The following GRID2 variants were observed in gnomAD, a reference collection of about 807,000 sequenced individuals.
The protein encoded by GRID2 is glutamate ionotropic receptor delta type subunit 2.
GRID2 carries 33 observed loss-of-function variants against 114.8 expected under a neutral mutation model. The ratio of observed to expected loss-of-function variants is 0.29; its 90% CI spans 0.22 to 0.38. GRID2 has a LOEUF of 0.38. GRID2 is among the 10% of genes least tolerant of loss of function. The probability of loss-of-function intolerance (pLI) is 1.00; values close to 1 mark genes in which losing one functional copy is unlikely to be tolerated. For synonymous variants in GRID2, 505 were observed against 449.9 expected (o/e 1.12, Z -1.55); for missense variants, 1,184 against 1,257.7 (o/e 0.94, Z 0.89).
chr4:92,336,807 C>A (rs565106018), intron 1 of GRID2, among the ~76,000 whole-genome samples: 52 of 152,202 alleles, frequency 3.4e-4, no homozygotes, highest in African/African-American at 8.9e-4. Flanking sequence ...CATGCTGCTT[C>A]TTCTTCAGGA....
At chr4:93,098,581 A>T (rs1204943307) in intron 3 of GRID2, among the ~76,000 whole-genome samples, 3 of 151,962 alleles carry the variant, frequency 2.0e-5, no homozygotes, top group Non-Finnish European at 4.4e-5. Context: ...GAGAGTACTG[A>T]TGAGAGAAAC....
At chr4:93,246,100 G>A (rs1748172150) in intron 8 of GRID2, among the ~76,000 whole-genome samples, 2 of 152,108 alleles carry the variant, frequency 1.3e-5, no homozygotes, top group Non-Finnish European at 2.9e-5. Flanking sequence ...GTTAATCAAG[G>A]CTTGGAAACT....
intron 2 of GRID2, among the ~76,000 whole-genome samples, chr4:92,849,085 A>G (rs1032362750): frequency 2.6e-5 from 4 of 151,988 alleles, no homozygotes; most frequent in African/African-American, 4.8e-5. Flanking sequence ...ATAGAGGGCT[A>G]TAAGTATCCT....
intron 1 of GRID2, among the ~76,000 whole-genome samples, chr4:92,570,211 G>A (rs1238427311): frequency 6.6e-6 from 1 of 152,004 alleles, no homozygotes. Context: ...TTATTGAACA[G>A]GGTATCTTTT....
rs958635394 is a variant in GRID2, at chr4:93,373,974, A to G, written c.1246-21633A>G. On this transcript the variant is annotated intron_variant, in intron 8 of 15. Coordinates refer to ENST00000282020, the MANE Select transcript of GRID2 (RefSeq NM_001510.4). ...ACAGAAGGCTTATTAGGGTATATTGATACTAGTATGTGTTGTCTTAAGTGG... is the reference window on the plus strand; with the variant it reads ...ACAGAAGGCTTATTAGGGTATATTGGTACTAGTATGTGTTGTCTTAAGTGG... 3.4e-4 allele frequency among the ~76,000 whole-genome samples: 52 copies of G among 152,152 alleles called. 1 individual carries two copies. The highest frequency in any genetic ancestry group is 1.3e-3 in the African/African-American group (52 of 41,452).
chr4:93,457,360 C>T (rs1002226235), intron 11 of GRID2, among the ~76,000 whole-genome samples: 2 of 150,228 alleles, frequency 1.3e-5, no homozygotes, highest in African/African-American at 2.5e-5. Flanking sequence ...AATTTCAGAC[C>T]AAGAAGTGAG....
chr4:93,047,110 T>A (rs778203489), intron 2 of GRID2, among the ~76,000 whole-genome samples: 4 of 151,892 alleles, frequency 2.6e-5, no homozygotes, highest in Non-Finnish European at 5.9e-5. Flanking sequence ...AATACCAGAT[T>A]AATACCAAAA....
intron 14 of GRID2, among the ~76,000 whole-genome samples, chr4:93,681,029 C>T (rs929960469): frequency 6.6e-6 from 1 of 151,396 alleles, no homozygotes; most frequent in Admixed American, 6.6e-5. Flanking sequence ...ATCTAGAAAA[C>T]CCCATTGTCT....
intron 8 of GRID2, among the ~76,000 whole-genome samples, chr4:93,311,141 C>G (rs1394426440): frequency 6.6e-6 from 1 of 152,124 alleles, no homozygotes; most frequent in Non-Finnish European, 1.5e-5. Context: ...ACTTGAAAAG[C>G]CAGACACAAG....
At chr4:92,671,327 A>G (rs1203928619) in intron 2 of GRID2, among the ~76,000 whole-genome samples, 2 of 152,090 alleles carry the variant, frequency 1.3e-5, no homozygotes, top group South Asian at 2.1e-4. Flanking sequence ...CCCACCGCCA[A>G]CACTTGGGAT....
intron 1 of GRID2, 148 bp from the exon 2 acceptor site, chr4:92,589,983 C>T (rs1728630683): frequency 1.7e-6 from 1 of 587,558 alleles, no homozygotes. Context: ...ACACTGCTTC[C>T]AGTACAATGT....
chr4:93,764,347 A>G (rs1342971471), intron 14 of GRID2, among the ~76,000 whole-genome samples: 1 of 152,166 alleles, frequency 6.6e-6, no homozygotes, highest in Non-Finnish European at 1.5e-5. Flanking sequence ...AATATTTTGG[A>G]TGAAAAAAAG....
Position 92,996,077 on chromosome 4 carries a change from G to T in GRID2, c.245-88918G>T, listed in dbSNP as rs558647641. ...GGCTGAAGTGGGTGGATCACCTGAG[G>T]TCAGGAGTTTGAAATCAGCCTGGCC... is the stretch of plus-strand genomic sequence containing the variant. On this transcript the variant is annotated intron_variant, in intron 2 of 15. Transcript: ENST00000282020. Among the ~76,000 whole-genome samples the T allele has an allele frequency of 7.9e-5, 12 of 152,000 alleles. No homozygotes were observed. The South Asian group carries it at 2.1e-3, about 26-fold the overall frequency.
chr4:93,611,978 G>T (rs1282095159), intron 13 of GRID2, among the ~76,000 whole-genome samples: 1 of 148,718 alleles, frequency 6.7e-6, no homozygotes, highest in East Asian at 2.0e-4. Context: ...CTCAGGACTT[G>T]CTTTATGAAT....
intron 1 of GRID2, among the ~76,000 whole-genome samples, chr4:92,546,245 T>C (rs1726254903): frequency 6.6e-6 from 1 of 152,198 alleles, no homozygotes. Flanking sequence ...TGTTGTTTTT[T>C]AAAAGCACAC....
chr4:93,028,319 C>A (rs1168588722), intron 2 of GRID2, among the ~76,000 whole-genome samples: 1 of 151,848 alleles, frequency 6.6e-6, no homozygotes, highest in African/African-American at 2.4e-5. Flanking sequence ...ATTGATGGTG[C>A]AAGCCTTTAG....
intron 2 of GRID2, among the ~76,000 whole-genome samples, chr4:92,830,605 C>A (rs1329325929): frequency 1.3e-5 from 2 of 152,038 alleles, no homozygotes; most frequent in Non-Finnish European, 2.9e-5. Flanking sequence ...TTAAAAATAT[C>A]TTTAAAGAGT....
chr4:93,222,352 A>G (rs1467534328), intron 6 of GRID2, among the ~76,000 whole-genome samples: 1 of 151,980 alleles, frequency 6.6e-6, no homozygotes, highest in East Asian at 1.9e-4. Flanking sequence ...GCAGGGTAGG[A>G]TTCTCCTAGC....
rs1424772351 is a variant in GRID2 at position 92,990,281 on chromosome 4, G to GTATATA, written c.245-94713_245-94712insATATAT. ...TGTATATATATATGTACGTAGATAT[G>GTATATA]TGTGTGTATATATATATATATATAT... On this transcript the variant is annotated intron_variant, in intron 2 of 15. Coordinates refer to ENST00000282020, the MANE Select transcript of GRID2 (RefSeq NM_001510.4). Among the ~76,000 whole-genome samples, 245 of 50,168 alleles carry GTATATA rather than the reference G, an allele frequency of 4.9e-3. 2 individuals carry two copies. Among genetic ancestry groups the GTATATA allele is most frequent in the African/African-American group, 0.014 (229 of 16,882 alleles). The allele number at this position is 50,168 out of a possible 152,430, so 32.9% of individuals were successfully genotyped here. A position where few individuals can be genotyped will look rare whatever the true frequency, so the allele number is the denominator to read the frequency against.
Sources: allele counts gnomAD v4.1 joint callset (sites outside exome capture counted in the v4.1 genomes callset), GRCh38; gene constraint gnomAD v4.1.1; transcripts MANE v1.5; gene names NCBI Gene and HGNC (gene_info 2026-07-23, HGNC 2026-07-21).